The following TRPM3 variants were observed in gnomAD, a reference collection of about 807,000 sequenced individuals.
TRPM3 encodes the protein long transient receptor potential channel 3.
A neutral mutation model predicts 181.2 loss-of-function variants in TRPM3; 77 were observed. That is an observed-to-expected ratio of 0.42 (90% CI 0.35 to 0.51). The LOEUF (loss-of-function observed/expected upper bound fraction) is 0.51, where lower values mean the gene tolerates loss of function less well. Among genes scored for constraint, TRPM3 ranks in the 20% least tolerant of loss-of-function variants. The probability of loss-of-function intolerance (pLI) is 0.01; values close to 1 mark genes in which losing one functional copy is unlikely to be tolerated. For synonymous variants in TRPM3, 745 were observed against 796.4 expected (o/e 0.94, Z 1.09); for missense variants, 1,759 against 2,196.7 (o/e 0.80, Z 3.98).
chr9:70,534,728 A>C lies in TRPM3; in HGVS notation c.*1225T>G, dbSNP rs1334980560. Reference sequence around the variant, plus strand: ...TTTATAGTTTTGAAACTTCCTTAAAAAGTACTTTGGAACATTTCCATAGAA... The same window carrying C: ...TTTATAGTTTTGAAACTTCCTTAAACAGTACTTTGGAACATTTCCATAGAA... On this transcript the variant is annotated 3_prime_UTR_variant, in exon 26 of 26. Transcript: ENST00000677713. 6 of 152,348 alleles carry C rather than the reference A, an allele frequency of 3.9e-5. No individual in the cohort carries two copies. Among genetic ancestry groups the C allele is most frequent in the African/African-American group, 1.4e-4 (6 of 41,584 alleles). 9.4% of individuals were successfully genotyped at this position (152,348 alleles called of 1,614,324 possible).
chr9:70,600,034 C>A (rs1400135466), intron 20 of TRPM3, among the ~76,000 whole-genome samples: 2 of 152,186 alleles, frequency 1.3e-5, no homozygotes. Context: ...AGCAATTTTC[C>A]AGTTCCTTGC....
chr9:71,430,926 G>A (rs1182612526), intron 1 of TRPM3, among the ~76,000 whole-genome samples: 2 of 152,128 alleles, frequency 1.3e-5, no homozygotes, highest in Admixed American at 1.3e-4. Context: ...TCTGAATGCA[G>A]TTTCTTGCCA....
At chr9:71,401,766 CACTT>C (rs766100867) in intron 1 of TRPM3, among the ~76,000 whole-genome samples, 9 of 152,284 alleles carry the variant, frequency 5.9e-5, no homozygotes, top group Non-Finnish European at 1.0e-4. Flanking sequence ...GAAGGCAAAG[CACTT>C]GCTTGCCATT....
chr9:70,772,308 T>A (rs2080452624), intron 7 of TRPM3, among the ~76,000 whole-genome samples: 1 of 139,670 alleles, frequency 7.2e-6, no homozygotes, highest in African/African-American at 2.6e-5. Flanking sequence ...AAGATCTCTG[T>A]CATCACAGAG....
At chr9:71,068,247 C>CT (rs2062198499) in intron 1 of TRPM3, among the ~76,000 whole-genome samples, 1 of 152,206 alleles carries the variant, frequency 6.6e-6, no homozygotes, top group Admixed American at 6.5e-5. Context: ...CTTGCACATA[C>CT]TTTCAATTCT....
intron 1 of TRPM3, among the ~76,000 whole-genome samples, chr9:71,205,574 G>A (rs2079075277): frequency 1.3e-5 from 2 of 152,130 alleles, no homozygotes; most frequent in African/African-American, 4.8e-5. Flanking sequence ...ACTGTGTCAA[G>A]TGTTAAAACA....
chr9:71,071,478 T>C (rs2062758534), intron 1 of TRPM3, among the ~76,000 whole-genome samples: 1 of 152,186 alleles, frequency 6.6e-6, no homozygotes, highest in Admixed American at 6.5e-5. Flanking sequence ...GAGAGATTGT[T>C]AGAAGGCTAT....
intron 1 of TRPM3, among the ~76,000 whole-genome samples, chr9:71,098,520 G>A (rs1368027193): frequency 6.6e-6 from 1 of 152,142 alleles, no homozygotes; most frequent in Non-Finnish European, 1.5e-5. Context: ...AGTATATGCA[G>A]TGGTGAATGC....
At chr9:70,647,167 A>G (rs538221046) in intron 9 of TRPM3, among the ~76,000 whole-genome samples, 1 of 152,286 alleles carries the variant, frequency 6.6e-6, no homozygotes, top group African/African-American at 2.4e-5. Context: ...TTGAAGAGGA[A>G]TGATGCTTCC....
At chr9:71,282,099 AAG>A (rs2084776235) in intron 1 of TRPM3, among the ~76,000 whole-genome samples, 1 of 109,210 alleles carries the variant, frequency 9.2e-6, no homozygotes, top group Admixed American at 8.6e-5. Flanking sequence ...GAGAGAAAGA[AAG>A]AAAAGAAAGA....
At chr9:70,581,153 C>T (rs766207360) in intron 22 of TRPM3, among the ~76,000 whole-genome samples, 15 of 152,210 alleles carry the variant, frequency 9.9e-5, no homozygotes, top group South Asian at 6.2e-4. Context: ...TGAAAGCCCA[C>T]GTAACCACAG....
chr9:71,184,865 G>C (rs1372161675), intron 1 of TRPM3, among the ~76,000 whole-genome samples: 1 of 152,222 alleles, frequency 6.6e-6, no homozygotes, highest in South Asian at 2.1e-4. Context: ...AGTCTCATGT[G>C]TAACTGATAA....
At chr9:71,127,235 A>G (rs959222131) in intron 1 of TRPM3, among the ~76,000 whole-genome samples, 1 of 150,694 alleles carries the variant, frequency 6.6e-6, no homozygotes, top group African/African-American at 2.4e-5. Flanking sequence ...CTTTTTAAAC[A>G]TTGTTTCCTA....
chr9:71,107,648 A>G (rs1454535457), intron 1 of TRPM3, among the ~76,000 whole-genome samples: 1 of 152,182 alleles, frequency 6.6e-6, no homozygotes, highest in Non-Finnish European at 1.5e-5. Flanking sequence ...TGTTAATTTT[A>G]TACTGCTGTT....
intron 1 of TRPM3, among the ~76,000 whole-genome samples, chr9:71,400,506 T>C (rs2093317260): frequency 6.6e-6 from 1 of 152,176 alleles, no homozygotes; most frequent in Admixed American, 6.6e-5. Context: ...AAGAGTTGCA[T>C]GGGGGTAAAA....
At chr9:71,431,150 TTGTCA>T (rs1171045461) in intron 1 of TRPM3, among the ~76,000 whole-genome samples, 1 of 152,118 alleles carries the variant, frequency 6.6e-6, no homozygotes. Flanking sequence ...TATTTGTCTC[TTGTCA>T]TATTTTTAAT....
chr9:71,402,055 C>T (rs993627438), intron 1 of TRPM3, among the ~76,000 whole-genome samples: 2 of 152,012 alleles, frequency 1.3e-5, no homozygotes, highest in Non-Finnish European at 2.9e-5. Flanking sequence ...TTTCAGCCAG[C>T]GAGGTTGAAA....
rs114908828 is a variant in TRPM3 at position 71,376,237 on chromosome 9, T to C, written c.183+70416A>G. 5.0e-3 allele frequency among the ~76,000 whole-genome samples: 755 copies of C among 151,942 alleles called. 3 individuals carry two copies. The highest frequency in any genetic ancestry group is 0.015 in the African/African-American group (626 of 41,470). ...CTTCTAAGAAATGGACTAGAAGAAA[T>C]GGAATTTTATATCTCATCATTTTTA... On this transcript the variant is annotated intron_variant, in intron 1 of 24. Transcript: ENST00000357533.
chr9:70,635,304 G>T (rs766090703), intron 11 of TRPM3, 43 bp from the exon 12 acceptor site: 9 of 1,580,482 alleles, frequency 5.7e-6, no homozygotes, highest in Middle Eastern at 1.7e-4. Context: ...GCTAGTCAGG[G>T]GCTCTGGTTG....
Sources: allele counts gnomAD v4.1 joint callset (sites outside exome capture counted in the v4.1 genomes callset), GRCh38; gene constraint gnomAD v4.1.1; transcripts MANE v1.5; gene names NCBI Gene and HGNC (gene_info 2026-07-23, HGNC 2026-07-21).